Variants in MAST2 observed in about 807,000 individuals in gnomAD.
MAST2 encodes the protein microtubule-associated serine/threonine-protein kinase 2.
In MAST2, 70 loss-of-function variants were observed where a neutral mutation model predicts 147.4. The observed-to-expected ratio is 0.47, with a 90% CI of 0.39 to 0.58. The LOEUF is 0.58. MAST2 is among the 20% of genes least tolerant of loss of function. The pLI is 0.00. For synonymous variants in MAST2, 869 were observed against 896.8 expected (o/e 0.97, Z 0.55); for missense variants, 2,080 against 2,302.3 (o/e 0.90, Z 1.98).
rs765514830 is a variant in MAST2 at position 46,031,077 on chromosome 1, C to T, written c.2779C>T (p.Arg927Ter). 1.3e-5 allele frequency: 21 copies of T among 1,613,426 alleles called. No individual in the cohort carries two copies. The highest frequency in any genetic ancestry group is 1.7e-5 in the Non-Finnish European group (20 of 1,179,636). ...ESDSSPPMTV[R>*]RRCSGLLDAP... is the part of the protein sequence containing the mutation. ...TGACTCAAGCCCTCCAATGACAGTG[C>T]GACGCCGCTGCTCAGGCCTCCTGGA... The change falls in exon 23 of 29, where the codon CGA (arginine) becomes TGA (stop). Residue 927 changes from arginine (R) to a stop codon, truncating the protein, a stop_gained. Coordinates refer to ENST00000361297, the MANE Select transcript of MAST2 (RefSeq NM_015112.3). LOFTEE classifies it high-confidence loss of function. The surrounding 1 kb of genome is among the most constrained non-coding windows in gnomAD (Gnocchi z 4.1).
chr1:46,002,836 T>C lies in MAST2; in HGVS notation c.700T>C (p.Leu234=). The change falls in exon 7 of 29, where the codon TTG becomes CTG. Residue 234 remains leucine (L), a synonymous_variant. Coordinates refer to ENST00000361297, the MANE Select transcript of MAST2 (RefSeq NM_015112.3). ...TDGRRWSLAS[L]PSSGYGTNTP... is the part of the protein sequence containing the mutation. ...TGGGCGGCGCTGGTCTTTGGCCTCT[T>C]TGCCCTCTTCAGGATATGGAACTAA... is the stretch of plus-strand genomic sequence containing the variant. 6.2e-6 allele frequency: 10 copies of C among 1,614,176 alleles called. No homozygotes were observed. Among genetic ancestry groups the C allele is most frequent in the Non-Finnish European group, 8.5e-6 (10 of 1,180,014 alleles).
intron 5 of MAST2, among the ~76,000 whole-genome samples, chr1:45,967,197 C>T (rs547302495): frequency 2.0e-5 from 3 of 152,054 alleles, no homozygotes; most frequent in Non-Finnish European, 4.4e-5. Context: ...CCTCATCCTC[C>T]CGAGTAGCTG....
chr1:46,012,203 G>T (rs1645743870), intron 10 of MAST2, among the ~76,000 whole-genome samples: 1 of 152,140 alleles, frequency 6.6e-6, no homozygotes, highest in Non-Finnish European at 1.5e-5. Context: ...TAGGAATCAG[G>T]GATTACTGCA....
intron 4 of MAST2, among the ~76,000 whole-genome samples, chr1:45,955,828 TTC>T (rs1231916334): frequency 6.6e-6 from 1 of 152,196 alleles, no homozygotes; most frequent in East Asian, 1.9e-4. Flanking sequence ...AACTGGCTTT[TTC>T]TCTCAGTGAG....
At chr1:45,887,067 A>G (rs1049853119) in intron 4 of MAST2, among the ~76,000 whole-genome samples, 3 of 152,192 alleles carry the variant, frequency 2.0e-5, no homozygotes, top group East Asian at 1.9e-4. Flanking sequence ...AGCTCAAGCT[A>G]TCTGCCTACC....
chr1:45,983,488 C>CTT (rs766505425), intron 5 of MAST2, among the ~76,000 whole-genome samples: 18 of 139,534 alleles, frequency 1.3e-4, no homozygotes, highest in South Asian at 2.3e-4. Context: ...GAGTAAGACA[C>CTT]TTTTTTTTTT....
intron 1 of MAST2, among the ~76,000 whole-genome samples, chr1:45,816,200 TG>T (rs997840893): frequency 6.6e-5 from 4 of 60,760 alleles, no homozygotes; most frequent in African/African-American, 2.4e-4. Flanking sequence ...GTATTGGGGG[TG>T]GGGGGGAGAG....
chr1:46,008,199 G>A, intron 8 of MAST2, 97 bp from the exon 9 acceptor site: 1 of 753,438 alleles, frequency 1.3e-6, no homozygotes, highest in Non-Finnish European at 2.3e-6. Flanking sequence ...TGTAGCTGCT[G>A]AAGATGGTGG....
At chr1:45,947,657 T>C (rs975381754) in intron 4 of MAST2, among the ~76,000 whole-genome samples, 6 of 152,212 alleles carry the variant, frequency 3.9e-5, no homozygotes, top group African/African-American at 1.4e-4. Flanking sequence ...GAAGTCAAAC[T>C]ACCCTTGTTT....
intron 4 of MAST2, among the ~76,000 whole-genome samples, chr1:45,891,871 T>C (rs4543738): frequency 1 from 152,021 of 152,258 alleles, 75,896 homozygotes; most frequent in Non-Finnish European, 1. Flanking sequence ...ATTTGTATTT[T>C]GAGGCTAGGA....
At chr1:46,024,115 T>G in intron 15 of MAST2, 135 bp downstream of exon 15, 1 of 826,670 alleles carries the variant, frequency 1.2e-6, no homozygotes, top group Non-Finnish European at 2.0e-6. Flanking sequence ...CATTGGTTTC[T>G]GCCTCAGGAT....
chr1:46,022,809 C>T, intron 12 of MAST2, 101 bp from the exon 13 acceptor site: 2 of 857,608 alleles, frequency 2.3e-6, no homozygotes, highest in East Asian at 2.4e-5. Context: ...ATGCAAAAAG[C>T]ATTAATGACT....
chr1:45,974,520 T>C (rs1557989126), intron 5 of MAST2, among the ~76,000 whole-genome samples: 1 of 152,108 alleles, frequency 6.6e-6, no homozygotes. Flanking sequence ...CATCTGAGTC[T>C]GAGGAGTTCG....
chr1:45,991,588 G>T (rs866020708), intron 5 of MAST2, among the ~76,000 whole-genome samples: 7 of 152,122 alleles, frequency 4.6e-5, no homozygotes, highest in South Asian at 4.1e-4. Flanking sequence ...TAGATTTTCA[G>T]TGTATTTGTT....
intron 12 of MAST2, among the ~76,000 whole-genome samples, 172 bp downstream of exon 12, chr1:46,022,254 T>A (rs1430167660): frequency 1.3e-5 from 2 of 152,228 alleles, no homozygotes; most frequent in Non-Finnish European, 2.9e-5. Flanking sequence ...CAGTCTTTAC[T>A]TTGGAACTGC....
Position 45,869,635 on chromosome 1 carries a change from A to AT in MAST2, c.469-12728dup, listed in dbSNP as rs1436895228. Among the ~76,000 whole-genome samples the AT allele has an allele frequency of 9.8e-5, 15 of 152,334 alleles. 1 individual carries two copies. The highest frequency in any genetic ancestry group is 6.2e-4 in the South Asian group (3 of 4,834). On this transcript the variant is annotated intron_variant, in intron 3 of 28. Coordinates refer to ENST00000361297, the MANE Select transcript of MAST2 (RefSeq NM_015112.3). The stretch of plus-strand genomic sequence containing the variant: ...CTTTTTACTTTATAACAGCTTTGAA[A>AT]TAGCGGTGTTACTCTTGATGGTGTG...
intron 3 of MAST2, among the ~76,000 whole-genome samples, chr1:45,864,536 T>G (rs1345072226): frequency 6.6e-6 from 1 of 152,204 alleles, no homozygotes; most frequent in Non-Finnish European, 1.5e-5. Context: ...GCCGACTTAG[T>G]CAAAACAATA....
At position 46,023,124 on chromosome 1, in the gene MAST2, G is replaced by A; in HGVS notation, c.1486-109G>A. 8.2e-7 allele frequency: 1 copy of A among 1,224,254 alleles called. No individual in the cohort carries two copies. The highest frequency in any genetic ancestry group is 2.3e-5 in the East Asian group (1 of 42,918). 75.8% of individuals were successfully genotyped at this position (1,224,254 alleles called of 1,614,324 possible). ...CATTCTACTCCCAGAAGAATGAGCA[G>A]GAGACTGCACTAGAGCTGACAGCTG... is the stretch of plus-strand genomic sequence containing the variant. On this transcript the variant is annotated intron_variant, in intron 13 of 28. Coordinates refer to ENST00000361297, the MANE Select transcript of MAST2 (RefSeq NM_015112.3). This position sits in a 1 kb window ranked among gnomAD's most constrained non-coding sequence, Gnocchi z 4.9.
chr1:45,869,829 C>G (rs1646307102), intron 3 of MAST2, among the ~76,000 whole-genome samples: 1 of 152,206 alleles, frequency 6.6e-6, no homozygotes, highest in African/African-American at 2.4e-5. Context: ...CCATTTGTTT[C>G]TCAATGTAAA....
Sources: gnomAD v4.1 joint callset for allele counts (sites outside exome capture counted in the v4.1 genomes callset) on GRCh38, gnomAD v4.1.1 for gene constraint, Gnocchi (gnomAD v3.1) non-coding constraint, MANE v1.5 for transcripts, NCBI Gene and HGNC (gene_info 2026-07-23, HGNC 2026-07-21) for gene names.